Variants in CD177 observed in about 807,000 individuals in gnomAD.
The protein encoded by CD177 is CD177 molecule.
In CD177, 41 loss-of-function variants were observed where a neutral mutation model predicts 38.1. The ratio of observed to expected loss-of-function variants is 1.07; its 90% CI spans 0.84 to 1.39. CD177 has a LOEUF of 1.39. Among genes scored for constraint, CD177 ranks in the 40% most tolerant of loss-of-function variants. CD177 has a pLI of 0.00. For synonymous variants in CD177, 236 were observed against 216.7 expected, an observed-to-expected ratio of 1.09 and a Z score of -0.78; for missense variants, 619 against 523.8, an observed-to-expected ratio of 1.18 and a Z score of -1.77.
At position 43,355,514 on chromosome 19, in the gene CD177, G is replaced by C. The variant is rs745945668; in HGVS notation, c.380-147G>C. 8.0e-6 allele frequency: 7 copies of C among 870,192 alleles called. No homozygotes were observed. In the East Asian group the frequency reaches 1.0e-4, roughly 13 times the overall value. The allele number at this position is 870,192 out of a possible 1,614,324, so 53.9% of individuals were successfully genotyped here. On this transcript the variant is annotated intron_variant, in intron 3 of 8. Coordinates refer to ENST00000618265, the MANE Select transcript of CD177 (RefSeq NM_020406.4). Reference sequence around the variant, plus strand: ...ACACTTCTTTATTTTCCCACATCCAGATCCCATGATGGGAGCTGCAGAAGG... The same window carrying C: ...ACACTTCTTTATTTTCCCACATCCACATCCCATGATGGGAGCTGCAGAAGG...
rs755701024 is a variant in CD177, at chr19:43,353,765, A to T, written c.51A>T (p.Pro17=). The change falls in exon 1 of 9, where the codon CCA becomes CCT. Residue 17 remains proline (P), a splice_region_variant and synonymous_variant. Coordinates refer to ENST00000618265, the MANE Select transcript of CD177 (RefSeq NM_020406.4). ...LALLGFILPL[P]GVQALLCQFG... is the part of the protein sequence containing the mutation. ...TCCTGGGGTTCATCCTCCCACTGCC[A>T]GGTGAGTGATGAGCCCAGCCTGGAG... The T allele has an allele frequency of 6.2e-7, 1 of 1,613,932 alleles. No homozygotes were observed. Among genetic ancestry groups the T allele is most frequent in the East Asian group, 2.2e-5 (1 of 44,872 alleles).
At position 43,362,754 on chromosome 19, in the gene CD177, G is replaced by A. The variant is rs7257009; in HGVS notation, c.*434G>A. 32,962 of 153,716 alleles carry A rather than the reference G, an allele frequency of 0.21. 4,649 individuals carry two copies. The highest frequency in any genetic ancestry group is 0.53 in the East Asian group (2,785 of 5,208). The allele number at this position is 153,716 out of a possible 1,614,324, so 9.5% of individuals were successfully genotyped here. A position where few individuals can be genotyped will look rare whatever the true frequency, so the allele number is the denominator to read the frequency against. On this transcript the variant is annotated 3_prime_UTR_variant, in exon 9 of 9. Transcript: ENST00000618265. ...AGACTTCAGGGTGCTCCAGCCAAACGTATTTGGGCATCACCATGACCTGGG... is the reference window on the plus strand; with the variant it reads ...AGACTTCAGGGTGCTCCAGCCAAACATATTTGGGCATCACCATGACCTGGG...
At chr19:43,363,850 A>T (rs1208231828), downstream of CD177, among the ~76,000 whole-genome samples, 1 of 152,188 alleles carries the variant, frequency 6.6e-6, no homozygotes, top group African/African-American at 2.4e-5. Flanking sequence ...CACTTTGGGA[A>T]GCCGAGGTGG....
rs1969876963 is a variant in CD177 at position 43,353,777 on chromosome 19, A to G, written c.52+11A>G. The G allele has an allele frequency of 6.2e-7, 1 of 1,613,770 alleles. No individual in the cohort carries two copies. The highest frequency in any genetic ancestry group is 8.5e-7 in the Non-Finnish European group (1 of 1,179,862). On this transcript the variant is annotated intron_variant, in intron 1 of 8. Coordinates refer to ENST00000618265, the MANE Select transcript of CD177 (RefSeq NM_020406.4). ...TCCTCCCACTGCCAGGTGAGTGATG[A>G]GCCCAGCCTGGAGGAGATTCCCTGG...
chr19:43,360,279 C>T lies in CD177; in HGVS notation c.634C>T (p.His212Tyr). The T allele has an allele frequency of 6.2e-7, 1 of 1,613,190 alleles. No individual in the cohort carries two copies. Among genetic ancestry groups the T allele is most frequent in the Non-Finnish European group, 8.5e-7 (1 of 1,179,600 alleles). Reference protein sequence around the residue: ...NCDMKDFLTCHRGTTIMTHGN... With the variant: ...NCDMKDFLTCYRGTTIMTHGN... ...CCTCTCCCCAGATTTTCTGACCTGT[C>T]ATCGGGGGACCACCATTATGACACA... Residue 212 changes from histidine to tyrosine, a missense_variant, in exon 6 of 9, where the codon CAT becomes TAT. Physicochemically the swap from His to Tyr is moderately conservative, Grantham distance 83. Transcript: ENST00000618265.
At chr19:43,363,571 C>G (rs1257191263), downstream of CD177, among the ~76,000 whole-genome samples, 1 of 152,178 alleles carries the variant, frequency 6.6e-6, no homozygotes, top group Non-Finnish European at 1.5e-5. Flanking sequence ...TGTCCTCACT[C>G]TGGTCTCCAG....
chr19:43,354,408 T>G lies in CD177; in HGVS notation c.379+16T>G, dbSNP rs375720997. 2.4e-5 allele frequency: 39 copies of G among 1,611,822 alleles called. No homozygotes were observed. Among genetic ancestry groups the G allele is most frequent in the Non-Finnish European group, 3.0e-5 (35 of 1,179,330 alleles). ...CCCCCAGCAGGTGCCTGCGGGAGGG[T>G]CGGGAGGAGAGGGAGGGGCTGCTAG... On this transcript the variant is annotated intron_variant, in intron 3 of 8. Coordinates refer to ENST00000618265, the MANE Select transcript of CD177 (RefSeq NM_020406.4).
Position 43,354,318 on chromosome 19 carries a change from T to G in CD177, c.305T>G (p.Phe102Cys), listed in dbSNP as rs1969889367. 1 of 1,613,842 alleles carries G rather than the reference T, an allele frequency of 6.2e-7. No individual in the cohort carries two copies. Among genetic ancestry groups the G allele is most frequent in the Non-Finnish European group, 8.5e-7 (1 of 1,179,854 alleles). ...GPGLSLISYTFVCRQEDFCNN... is the reference protein window; with the variant it reads ...GPGLSLISYTCVCRQEDFCNN... ...GGCCTCTCCCTGATCTCCTACACCT[T>G]CGTGTGCCGCCAGGAGGACTTCTGC... The change falls in exon 3 of 9, where the codon TTC (phenylalanine) becomes TGC (cysteine). Residue 102 changes from phenylalanine (F) to cysteine (C), a missense_variant. Coordinates refer to ENST00000618265, the MANE Select transcript of CD177 (RefSeq NM_020406.4).
rs1210999079 is a variant in CD177 at position 43,362,270 on chromosome 19, C to A, written c.1264C>A (p.Leu422Met). The A allele has an allele frequency of 6.2e-7, 1 of 1,603,328 alleles. No individual in the cohort carries two copies. Among genetic ancestry groups the A allele is most frequent in the Non-Finnish European group, 8.5e-7 (1 of 1,170,770 alleles). ...GLESLTWGVG[L>M]ALAPALWWGV... The stretch of plus-strand genomic sequence containing the variant: ...GGAGTCTCTCACTTGGGGGGTGGGG[C>A]TGGCACTGGCCCCAGCGCTGTGGTG... The change falls in exon 9 of 9, where the codon CTG (leucine) becomes ATG (methionine). Residue 422 changes from leucine (L) to methionine (M), a missense_variant. Coordinates refer to ENST00000618265, the MANE Select transcript of CD177 (RefSeq NM_020406.4).
In CD177 at chr19:43,353,869, C is replaced by G; in HGVS notation, c.69C>G (p.Leu23=). The G allele has an allele frequency of 6.2e-7, 1 of 1,613,886 alleles. No homozygotes were observed. Among genetic ancestry groups the G allele is most frequent in the Non-Finnish European group, 8.5e-7 (1 of 1,179,850 alleles). The part of the protein sequence containing the change: ...ILPLPGVQAL[L]CQFGTVQHVW... The stretch of plus-strand genomic sequence containing the variant: ...CCACTCCAGGAGTGCAGGCGCTGCT[C>G]TGCCAGTTTGGGACAGTTCAGCATG... Residue 23 remains leucine (L), a synonymous_variant, in exon 2 of 9, where the codon CTC becomes CTG. Transcript: ENST00000618265.
rs772065631 is a variant in CD177 at position 43,355,778 on chromosome 19, G to A, written c.497G>A (p.Arg166Lys). Residue 166 changes from arginine (R) to lysine (K), a missense_variant, in exon 4 of 9, where the codon AGG (arginine) becomes AAG (lysine). Coordinates refer to ENST00000618265, the MANE Select transcript of CD177 (RefSeq NM_020406.4). Reference protein sequence around the residue: ...THCYDGLLRLRGGGIFSNLRV... With the variant: ...THCYDGLLRLKGGGIFSNLRV... ...TGTTATGATGGCCTCCTCAGGCTCA[G>A]GGGAGGTAAGCCTGGGACATCGGGG... 8 of 1,613,086 alleles carry A rather than the reference G, an allele frequency of 5.0e-6. No homozygotes were observed. Among genetic ancestry groups the A allele is most frequent in the East Asian group, 2.2e-5 (1 of 44,856 alleles).
In CD177 at chr19:43,361,098, T is replaced by C. The variant is rs978407026; in HGVS notation, c.761-45T>C. On this transcript the variant is annotated intron_variant, in intron 6 of 8. Transcript: ENST00000618265. ...TCCAGCTCTGGAGCCCCTGCTGCCC[T>C]GGGAGCTGCCCAGTCCCCAGCCCAG... 1.1e-4 allele frequency: 99 copies of C among 897,024 alleles called. 2 individuals carry two copies. Among genetic ancestry groups the C allele is most frequent in the Non-Finnish European group, 1.7e-4 (93 of 555,158 alleles). 55.6% of individuals were successfully genotyped at this position (897,024 alleles called of 1,614,324 possible).
Position 43,361,245 on chromosome 19 carries a change from C to T in CD177, c.863C>T (p.Ala288Val), listed in dbSNP as rs1428032466. ...IHSAPPGVLV[A>V]SYTHFCSSDL... Reference sequence around the variant, plus strand: ...TCAGCCCCTCCTGGGGTGCTTGTGGCCTCCTATACCCACTTCTGCTCCTCG... The same window carrying T: ...TCAGCCCCTCCTGGGGTGCTTGTGGTCTCCTATACCCACTTCTGCTCCTCG... Residue 288 changes from alanine to valine, a missense_variant, in exon 7 of 9, where the codon GCC becomes GTC. Transcript: ENST00000618265. 3 of 1,527,816 alleles carry T rather than the reference C, an allele frequency of 2.0e-6. No individual in the cohort carries two copies. The highest frequency in any genetic ancestry group is 2.3e-5 in the South Asian group (2 of 87,780). The allele number at this position is 1,527,816 out of a possible 1,614,324, so 94.6% of individuals were successfully genotyped here. A position where few individuals can be genotyped will look rare whatever the true frequency, so the allele number is the denominator to read the frequency against.
rs757408602 is a variant in CD177 at position 43,354,247 on chromosome 19, G to A, written c.234G>A (p.Glu78=). 5 of 1,613,670 alleles carry A rather than the reference G, an allele frequency of 3.1e-6. No homozygotes were observed. Among genetic ancestry groups the A allele is most frequent in the African/African-American group, 2.7e-5 (2 of 74,872 alleles). Residue 78 remains glutamate, a synonymous_variant, in exon 3 of 9, where the codon GAG becomes GAA. Transcript: ENST00000618265. ...TGGTGCTCTCCAAGGGCTGCACGGA[G>A]GCCAAGGACCAGGAGCCCCGCGTCA... ...VSLVLSKGCT[E]AKDQEPRVTE...
chr19:43,359,854 C>A (rs1305079768), intron 5 of CD177, among the ~76,000 whole-genome samples: 1 of 130,100 alleles, frequency 7.7e-6, no homozygotes, highest in Non-Finnish European at 1.6e-5. Context: ...CTCAGCCCAC[C>A]CTGGCCCTTC....
chr19:43,355,657 C>T lies in CD177; in HGVS notation c.380-4C>T. The T allele has an allele frequency of 3.7e-6, 6 of 1,612,642 alleles. No individual in the cohort carries two copies. Among genetic ancestry groups the T allele is most frequent in the Non-Finnish European group, 4.2e-6 (5 of 1,179,192 alleles). ...CCCCCTCACTCTGTCTGTCACTTTCCTAGACCCAGGATCCTTGAGGTGCCC... is the reference window on the plus strand; with the variant it reads ...CCCCCTCACTCTGTCTGTCACTTTCTTAGACCCAGGATCCTTGAGGTGCCC... On this transcript the variant is annotated splice_polypyrimidine_tract_variant and splice_region_variant and intron_variant, in intron 3 of 8. Coordinates refer to ENST00000618265, the MANE Select transcript of CD177 (RefSeq NM_020406.4).
rs1355931160 is a variant in CD177 at position 43,361,071 on chromosome 19, A to G, written c.761-72A>G. 3.8e-5 allele frequency: 25 copies of G among 656,006 alleles called. No homozygotes were observed. The East Asian group carries it at 6.6e-4, about 17-fold the overall frequency. 40.6% of individuals were successfully genotyped at this position (656,006 alleles called of 1,614,324 possible). ...CTGGGGGGTATTGTGAAGGGCAGGG[A>G]GTCCAGCTCTGGAGCCCCTGCTGCC... is the stretch of plus-strand genomic sequence containing the variant. On this transcript the variant is annotated intron_variant, in intron 6 of 8. Transcript: ENST00000618265.
rs374615051 is a variant in CD177 at position 43,355,799 on chromosome 19, C to T, written c.502+16C>T. On this transcript the variant is annotated intron_variant, in intron 4 of 8. Transcript: ENST00000618265. ...CTCAGGGGAGGTAAGCCTGGGACAT[C>T]GGGGTCCCTGTGGGGACTGAACTGG... 7.2e-5 allele frequency: 116 copies of T among 1,612,794 alleles called. No individual in the cohort carries two copies. The African/African-American group carries it at 9.9e-4, about 14-fold the overall frequency.
chr19:43,361,675 C>G, intron 8 of CD177, 96 bp downstream of exon 8: 7 of 1,280,746 alleles, frequency 5.5e-6, no homozygotes, highest in Middle Eastern at 2.1e-4. Flanking sequence ...ACTCCTGGTC[C>G]GAGGGAGGAG....
Sources: gnomAD v4.1 joint callset for allele counts (sites outside exome capture counted in the v4.1 genomes callset) on GRCh38, gnomAD v4.1.1 for gene constraint, MANE v1.5 for transcripts, NCBI Gene and HGNC (gene_info 2026-07-23, HGNC 2026-07-21) for gene names.